The following BTAF1 variants were observed in gnomAD, a reference collection of about 807,000 sequenced individuals.
BTAF1 encodes TATA-binding protein-associated factor 172.
Under a neutral mutation model 227.1 loss-of-function variants are expected in BTAF1, and 38 were observed. The ratio of observed to expected loss-of-function variants is 0.17; its 90% CI spans 0.13 to 0.22. The LOEUF is 0.22. BTAF1 is among the 10% of genes least tolerant of loss of function. BTAF1 has a pLI of 1.00. For synonymous variants in BTAF1, 742 were observed against 751.9 expected, an observed-to-expected ratio of 0.99 and a Z score of 0.21; for missense variants, 1,598 against 2,204.0, an observed-to-expected ratio of 0.73 and a Z score of 5.51.
rs1263203927 is a variant in BTAF1 at position 92,013,823 on chromosome 10, T to C, written c.4453+15T>C. The C allele has an allele frequency of 2.5e-6, 4 of 1,613,800 alleles. No homozygotes were observed. The highest frequency in any genetic ancestry group is 3.4e-6 in the Non-Finnish European group (4 of 1,179,950). ...GCAAGAAGCAGGTATGAAAGAGATA[T>C]AATTATAACCCTGTGTAAGTGAATA... is the stretch of plus-strand genomic sequence containing the variant. On this transcript the variant is annotated intron_variant, in intron 31 of 37. Transcript: ENST00000265990.
chr10:91,963,559 A>G (rs546532092), intron 12 of BTAF1, among the ~76,000 whole-genome samples: 1 of 152,172 alleles, frequency 6.6e-6, no homozygotes, highest in East Asian at 1.9e-4. Flanking sequence ...GTGACTCATC[A>G]CACCCACCCC....
At chr10:92,023,914 G>A (rs897373666) in intron 34 of BTAF1, among the ~76,000 whole-genome samples, 2 of 152,128 alleles carry the variant, frequency 1.3e-5, no homozygotes, top group African/African-American at 4.8e-5. Flanking sequence ...GATTACAGGT[G>A]TATAAGCCCC....
chr10:91,926,846 A>G (rs1843873336), intron 1 of BTAF1, among the ~76,000 whole-genome samples: 1 of 152,246 alleles, frequency 6.6e-6, no homozygotes. Flanking sequence ...AGATTTGAAC[A>G]TGAACATGGT....
At chr10:92,000,550 G>T (rs879669851) in intron 25 of BTAF1, among the ~76,000 whole-genome samples, 1 of 152,042 alleles carries the variant, frequency 6.6e-6, no homozygotes, top group Admixed American at 6.6e-5. Context: ...GGTTTTCTTG[G>T]TTGTTTTTTG....
intron 4 of BTAF1, among the ~76,000 whole-genome samples, chr10:91,947,925 T>C (rs563659685): frequency 1.2e-4 from 19 of 152,276 alleles, no homozygotes; most frequent in Middle Eastern, 3.4e-3. Context: ...AATAGAATTG[T>C]TTTCTTAATT....
intron 1 of BTAF1, among the ~76,000 whole-genome samples, chr10:91,929,248 G>A (rs774115210): frequency 6.6e-6 from 1 of 152,198 alleles, no homozygotes; most frequent in Non-Finnish European, 1.5e-5. Context: ...ATATTGGCTA[G>A]TTAATAGGAA....
intron 9 of BTAF1, 119 bp downstream of exon 9, chr10:91,959,273 A>T: frequency 6.6e-7 from 1 of 1,521,988 alleles, no homozygotes; most frequent in East Asian, 2.3e-5. Flanking sequence ...AGAGGAAGAG[A>T]TATGAAAAGG....
intron 14 of BTAF1, among the ~76,000 whole-genome samples, chr10:91,969,459 G>C (rs1258349060): frequency 1.3e-5 from 2 of 151,984 alleles, no homozygotes; most frequent in Non-Finnish European, 2.9e-5. Context: ...TTGGTTATTA[G>C]TTTTTATACT....
At chr10:92,005,468 G>T (rs1290349936) in intron 25 of BTAF1, among the ~76,000 whole-genome samples, 1 of 152,050 alleles carries the variant, frequency 6.6e-6, no homozygotes, top group African/African-American at 2.4e-5. Context: ...CCATATTTAT[G>T]TCCATTTATT....
At chr10:92,020,379 G>T (rs1384901865) in intron 34 of BTAF1, among the ~76,000 whole-genome samples, 1 of 152,080 alleles carries the variant, frequency 6.6e-6, no homozygotes, top group Non-Finnish European at 1.5e-5. Context: ...ACAATTTCAA[G>T]CACCAAAATG....
intron 18 of BTAF1, among the ~76,000 whole-genome samples, chr10:91,983,844 G>T (rs1848222970): frequency 6.6e-6 from 1 of 151,026 alleles, no homozygotes; most frequent in Non-Finnish European, 1.5e-5. Context: ...CTAATAATGA[G>T]TTTTTAAATA....
intron 14 of BTAF1, among the ~76,000 whole-genome samples, chr10:91,979,393 T>C (rs1208522725): frequency 6.6e-6 from 1 of 152,152 alleles, no homozygotes; most frequent in Non-Finnish European, 1.5e-5. Context: ...TGAGGAGTCA[T>C]GTGGCCCTTT....
intron 19 of BTAF1, among the ~76,000 whole-genome samples, chr10:91,986,293 G>A (rs1041178384): frequency 5.9e-5 from 9 of 152,096 alleles, no homozygotes; most frequent in African/African-American, 2.2e-4. Flanking sequence ...TGGGCCATTT[G>A]TTCAATGTAT....
chr10:91,973,843 G>A (rs1398706287), intron 14 of BTAF1, among the ~76,000 whole-genome samples: 2 of 144,446 alleles, frequency 1.4e-5, no homozygotes, highest in Admixed American at 7.2e-5. Flanking sequence ...GGCGGAGCTT[G>A]CAGTGAGCTG....
intron 1 of BTAF1, among the ~76,000 whole-genome samples, chr10:91,924,543 G>A (rs944672003): frequency 2.6e-5 from 4 of 152,172 alleles, no homozygotes; most frequent in Non-Finnish European, 5.9e-5. Context: ...TACGTTTTTA[G>A]GGGTATGTTC....
At chr10:92,015,288 AT>A (rs936273379) in intron 32 of BTAF1, among the ~76,000 whole-genome samples, 5 of 152,174 alleles carry the variant, frequency 3.3e-5, no homozygotes, top group South Asian at 4.2e-4. Context: ...CTCTTTGAAA[AT>A]TTTTTTATGT....
At chr10:91,960,785 T>G (rs985759891) in intron 11 of BTAF1, among the ~76,000 whole-genome samples, 2 of 152,198 alleles carry the variant, frequency 1.3e-5, no homozygotes, top group African/African-American at 4.8e-5. Context: ...TGTAATGTTA[T>G]ACATCATCTA....
intron 1 of BTAF1, among the ~76,000 whole-genome samples, chr10:91,935,341 C>A (rs1844536985): frequency 6.6e-6 from 1 of 152,180 alleles, no homozygotes; most frequent in African/African-American, 2.4e-5. Context: ...GAACTTGTTT[C>A]TTCTATTTAG....
intron 24 of BTAF1, chr10:91,997,129 C>A: frequency 8.0e-7 from 1 of 1,244,984 alleles, no homozygotes; most frequent in Non-Finnish European, 1.0e-6. Flanking sequence ...AGTAGAAACT[C>A]TGGTTCAAAA....
Sources: gnomAD v4.1 joint callset for allele counts (sites outside exome capture counted in the v4.1 genomes callset) on GRCh38, gnomAD v4.1.1 for gene constraint, MANE v1.5 for transcripts, NCBI Gene and HGNC (gene_info 2026-07-23, HGNC 2026-07-21) for gene names.